The following GLIS3 variants were observed in gnomAD, a reference collection of about 807,000 sequenced individuals.
GLIS3 encodes the protein GLIS family zinc finger 3.
A neutral mutation model predicts 78.6 loss-of-function variants in GLIS3; 53 were observed. The observed-to-expected ratio is 0.67, with a 90% CI of 0.54 to 0.85. GLIS3 has a LOEUF of 0.85. Ranked by LOEUF, GLIS3 falls within the 40% of genes least tolerant of loss-of-function variation. The pLI is 0.00. For missense variants in GLIS3, 1,703 were observed against 1,231.1 expected (o/e 1.38, Z -5.74); for synonymous variants, 684 against 509.9 (o/e 1.34, Z -4.60).
intron 2 of GLIS3, among the ~76,000 whole-genome samples, chr9:4,172,531 A>G (rs572410958): frequency 1.3e-5 from 2 of 152,326 alleles, no homozygotes; most frequent in Admixed American, 1.3e-4. Flanking sequence ...GCACTTTCAG[A>G]AATACTAACT....
intron 6 of GLIS3, among the ~76,000 whole-genome samples, chr9:3,919,124 T>C (rs1330029974): frequency 6.6e-6 from 1 of 152,112 alleles, no homozygotes; most frequent in African/African-American, 2.4e-5. Flanking sequence ...GCTTACACAA[T>C]TTTCAATTAG....
chr9:4,442,096 G>A, the GLIS3 span, among the ~76,000 whole-genome samples: 12 of 152,268 alleles, frequency 7.9e-5, no homozygotes, highest in African/African-American at 2.9e-4. Flanking sequence ...TTTCTTAGAT[G>A]GGAGACTTTT....
chr9:4,452,071 C>T, the GLIS3 span, among the ~76,000 whole-genome samples: 3 of 152,006 alleles, frequency 2.0e-5, no homozygotes, highest in Admixed American at 6.6e-5. Context: ...ATGACAAAAA[C>T]GACATGATTA....
chr9:4,337,056 A>G (rs1243071874), intron 2 of GLIS3, among the ~76,000 whole-genome samples: 2 of 152,250 alleles, frequency 1.3e-5, no homozygotes, highest in Non-Finnish European at 2.9e-5. Context: ...ACTACTTTTA[A>G]CCTATCAAAT....
chr9:4,254,526 T>C (rs1463910110), intron 2 of GLIS3, among the ~76,000 whole-genome samples: 1 of 152,148 alleles, frequency 6.6e-6, no homozygotes, highest in Non-Finnish European at 1.5e-5. Context: ...TTAGAAGAGC[T>C]AAAACATTTT....
chr9:4,351,306 G>A (rs1484980180), upstream of GLIS3, among the ~76,000 whole-genome samples: 3 of 150,798 alleles, frequency 2.0e-5, no homozygotes, highest in South Asian at 2.2e-4. Context: ...CTGGGAGGCT[G>A]AGGAAGGAGG....
At position 4,220,793 on chromosome 9, in the gene GLIS3, A is replaced by G. The variant is rs138555543; in HGVS notation, c.388+65245T>C. On this transcript the variant is annotated intron_variant, in intron 2 of 10. Transcript: ENST00000381971. ...AAGACTGAGGAACCATTCCTCATTA[A>G]AAGAGCCTAAAGAGACATGACAGCA... Among the ~76,000 whole-genome samples, 5 of 152,246 alleles carry G rather than the reference A, an allele frequency of 3.3e-5. No individual in the cohort carries two copies. The East Asian group carries it at 7.7e-4, about 23-fold the overall frequency.
the GLIS3 span, among the ~76,000 whole-genome samples, chr9:4,440,868 C>A: frequency 2.2e-4 from 34 of 151,564 alleles, no homozygotes; most frequent in Non-Finnish European, 3.5e-4. Flanking sequence ...TTGTAAAGAT[C>A]TTTCACTTCC....
At chr9:4,087,158 A>T (rs1475320494) in intron 4 of GLIS3, among the ~76,000 whole-genome samples, 1 of 152,232 alleles carries the variant, frequency 6.6e-6, no homozygotes, top group Non-Finnish European at 1.5e-5. Flanking sequence ...GACAAAACCT[A>T]AAATATTACT....
chr9:4,159,287 C>T (rs1265850005), intron 2 of GLIS3, among the ~76,000 whole-genome samples: 1 of 152,192 alleles, frequency 6.6e-6, no homozygotes, highest in Non-Finnish European at 1.5e-5. Context: ...AGTTTTCTCG[C>T]ATTTTGTACA....
chr9:4,071,172 G>A (rs1827571013), intron 4 of GLIS3: 1 of 152,172 alleles, frequency 6.6e-6, no homozygotes. Flanking sequence ...AACGTTGGGA[G>A]GCATGGGCTT....
At chr9:4,235,587 C>G (rs1026823408) in intron 2 of GLIS3, among the ~76,000 whole-genome samples, 2 of 152,114 alleles carry the variant, frequency 1.3e-5, no homozygotes, top group African/African-American at 2.4e-5. Flanking sequence ...AGACTAGCAC[C>G]CTTTCCAATA....
chr9:4,154,564 A>G (rs1471192711), intron 2 of GLIS3, among the ~76,000 whole-genome samples: 1 of 152,032 alleles, frequency 6.6e-6, no homozygotes, highest in East Asian at 1.9e-4. Flanking sequence ...AACATTCTAT[A>G]TCACAAAGAG....
At chr9:4,136,074 C>T (rs1417575941) in intron 2 of GLIS3, among the ~76,000 whole-genome samples, 1 of 152,174 alleles carries the variant, frequency 6.6e-6, no homozygotes, top group Admixed American at 6.5e-5. Context: ...CTCCTATATT[C>T]AGGGGCAAAG....
intron 4 of GLIS3, among the ~76,000 whole-genome samples, chr9:3,997,743 A>G (rs1325047351): frequency 6.6e-6 from 1 of 152,170 alleles, no homozygotes. Context: ...GCAAACATCA[A>G]ACTTAGTGGG....
the GLIS3 span, among the ~76,000 whole-genome samples, chr9:4,407,552 C>T: frequency 6.6e-6 from 1 of 152,192 alleles, no homozygotes; most frequent in Non-Finnish European, 1.5e-5. Flanking sequence ...GAGGCTGAGG[C>T]AGGAGAATGG....
At chr9:4,447,606 A>C in the GLIS3 span, among the ~76,000 whole-genome samples, 4 of 152,210 alleles carry the variant, frequency 2.6e-5, no homozygotes, top group Non-Finnish European at 5.9e-5. Flanking sequence ...TCTTGCTTAG[A>C]AGTGACCACT....
chr9:4,072,696 C>T (rs1588604489), intron 4 of GLIS3, among the ~76,000 whole-genome samples: 2 of 151,166 alleles, frequency 1.3e-5, no homozygotes, highest in East Asian at 1.9e-4. Flanking sequence ...TGCTTATTAC[C>T]GAGATTTCTG....
chr9:4,396,333 T>C, the GLIS3 span, among the ~76,000 whole-genome samples: 40 of 151,890 alleles, frequency 2.6e-4, no homozygotes, highest in African/African-American at 8.7e-4. Flanking sequence ...TGATCTCGAG[T>C]TGGCCAGGCT....
Sources: allele counts gnomAD v4.1 joint callset (sites outside exome capture counted in the v4.1 genomes callset), GRCh38; gene constraint gnomAD v4.1.1; transcripts MANE v1.5; gene names NCBI Gene and HGNC (gene_info 2026-07-23, HGNC 2026-07-21).